Variants in FOXP1 observed in about 807,000 individuals in gnomAD.
The protein encoded by FOXP1 is forkhead box protein P1.
FOXP1 carries 15 observed loss-of-function variants against 98.2 expected under a neutral mutation model. The ratio of observed to expected loss-of-function variants is 0.15; its 90% CI spans 0.10 to 0.24. The LOEUF (loss-of-function observed/expected upper bound fraction) is 0.24. Among genes scored for constraint, FOXP1 ranks in the 10% least tolerant of loss-of-function variants. FOXP1 has a pLI of 1.00. For missense variants in FOXP1, 633 were observed against 848.5 expected (o/e 0.75, Z 3.15); for synonymous variants, 371 against 314.5 (o/e 1.18, Z -1.90).
intron 5 of FOXP1, among the ~76,000 whole-genome samples, chr3:71,280,126 CAAAAAAAA>C (rs56674677): frequency 6.1e-4 from 65 of 106,198 alleles, no homozygotes; most frequent in African/African-American, 1.1e-3. Flanking sequence ...CTGTCTCAAA[CAAAAAAAA>C]AAAAAAAAAA....
chr3:71,267,743 C>T (rs1232346838), intron 5 of FOXP1, among the ~76,000 whole-genome samples: 7 of 152,108 alleles, frequency 4.6e-5, no homozygotes, highest in Non-Finnish European at 7.4e-5. Flanking sequence ...TTGGGCCAGG[C>T]GCAGTGGCTC....
intron 2 of FOXP1, among the ~76,000 whole-genome samples, chr3:71,574,986 G>A (rs1398780058): frequency 6.6e-6 from 1 of 152,164 alleles, no homozygotes. Context: ...CTTAAGAAGG[G>A]TTGCAGGCTT....
intron 7 of FOXP1, among the ~76,000 whole-genome samples, chr3:71,071,429 T>C (rs1265891511): frequency 6.6e-6 from 1 of 152,210 alleles, no homozygotes; most frequent in East Asian, 1.9e-4. Flanking sequence ...AACTCTGAGA[T>C]AGTACAGGAG....
chr3:71,556,999 A>G (rs2046191654), intron 2 of FOXP1, among the ~76,000 whole-genome samples: 2 of 152,028 alleles, frequency 1.3e-5, no homozygotes, highest in African/African-American at 4.8e-5. Context: ...GACTAAAAAA[A>G]AAGTGTTCAT....
At chr3:71,546,193 G>C (rs541353750) in intron 2 of FOXP1, among the ~76,000 whole-genome samples, 27 of 152,290 alleles carry the variant, frequency 1.8e-4, no homozygotes, top group African/African-American at 6.3e-4. Flanking sequence ...GCGAGGGTTA[G>C]TGGTCGGTGG....
At chr3:71,223,876 C>T (rs761465218) in intron 5 of FOXP1, among the ~76,000 whole-genome samples, 7 of 152,084 alleles carry the variant, frequency 4.6e-5, no homozygotes, top group Non-Finnish European at 8.8e-5. Context: ...TTAGGAGTCA[C>T]TCAGCAGAAG....
At chr3:71,014,885 G>T (rs577547884) in intron 12 of FOXP1, among the ~76,000 whole-genome samples, 2 of 151,838 alleles carry the variant, frequency 1.3e-5, no homozygotes, top group African/African-American at 4.8e-5. Context: ...GCAAACTATC[G>T]CAAGGACAGA....
chr3:71,404,416 C>T (rs571526068), intron 3 of FOXP1, among the ~76,000 whole-genome samples: 1 of 151,998 alleles, frequency 6.6e-6, no homozygotes, highest in South Asian at 2.1e-4. Context: ...CATGAGCCAC[C>T]AGGCCGGCCT....
intron 3 of FOXP1, among the ~76,000 whole-genome samples, chr3:71,444,479 C>T (rs2108470339): frequency 6.6e-6 from 1 of 151,882 alleles, no homozygotes; most frequent in East Asian, 1.9e-4. Context: ...TAAATAAATA[C>T]TCTCTCCTTG....
chr3:71,338,277 G>A (rs940895957), intron 4 of FOXP1, among the ~76,000 whole-genome samples: 1 of 152,196 alleles, frequency 6.6e-6, no homozygotes, highest in African/African-American at 2.4e-5. Flanking sequence ...ACAAAGGCAG[G>A]GGTGTCCACT....
chr3:71,253,230 T>TTGGATAGA, intron 5 of FOXP1, among the ~76,000 whole-genome samples: 1 of 152,344 alleles, frequency 6.6e-6, no homozygotes, highest in East Asian at 1.9e-4. Context: ...GGTTGGTGTG[T>TTGGATAGA]TGGATAGATG....
At chr3:71,350,437 T>C (rs1010520059) in intron 4 of FOXP1, among the ~76,000 whole-genome samples, 3 of 152,156 alleles carry the variant, frequency 2.0e-5, no homozygotes, top group African/African-American at 7.2e-5. Flanking sequence ...CACCATATTA[T>C]AACTGACTTT....
At chr3:71,002,274 C>T (rs372231084) in intron 12 of FOXP1, among the ~76,000 whole-genome samples, 2 of 152,148 alleles carry the variant, frequency 1.3e-5, no homozygotes, top group African/African-American at 4.8e-5. Context: ...ATGACTTTTA[C>T]CTTAAAAACA....
At chr3:71,374,809 A>T (rs2079602745) in intron 3 of FOXP1, among the ~76,000 whole-genome samples, 1 of 152,196 alleles carries the variant, frequency 6.6e-6, no homozygotes, top group Admixed American at 6.5e-5. Context: ...TGTGCTAGTA[A>T]AATAGCTGCA....
At chr3:71,495,896 C>T (rs753901851) in intron 2 of FOXP1, among the ~76,000 whole-genome samples, 4 of 152,054 alleles carry the variant, frequency 2.6e-5, no homozygotes, top group African/African-American at 7.2e-5. Flanking sequence ...TGCAAATGAG[C>T]GAGGAAGGCC....
intron 14 of FOXP1, among the ~76,000 whole-genome samples, chr3:70,978,699 TG>T (rs761940939): frequency 3.3e-5 from 5 of 152,118 alleles, no homozygotes; most frequent in Non-Finnish European, 7.3e-5. Context: ...TTAAACACAA[TG>T]GGCCTGACCC....
At chr3:71,104,829 G>A (rs1172490205) in intron 7 of FOXP1, among the ~76,000 whole-genome samples, 1 of 152,168 alleles carries the variant, frequency 6.6e-6, no homozygotes, top group Non-Finnish European at 1.5e-5. Flanking sequence ...TGACTGTTGT[G>A]CTGACTGATA....
intron 7 of FOXP1, among the ~76,000 whole-genome samples, chr3:71,060,939 G>A (rs1354836708): frequency 1.3e-5 from 2 of 152,058 alleles, no homozygotes; most frequent in East Asian, 1.9e-4. Context: ...TTTCTCATTC[G>A]AAATTAATTT....
At chr3:71,269,009 T>G (rs945067847) in intron 5 of FOXP1, among the ~76,000 whole-genome samples, 3 of 151,968 alleles carry the variant, frequency 2.0e-5, no homozygotes, top group Admixed American at 6.6e-5. Context: ...TAAATGAACG[T>G]AGACAGATAG....
Sources: allele counts gnomAD v4.1 joint callset (sites outside exome capture counted in the v4.1 genomes callset), GRCh38; gene constraint gnomAD v4.1.1; transcripts MANE v1.5; gene names NCBI Gene and HGNC (gene_info 2026-07-23, HGNC 2026-07-21).